The following COLEC12 variants were observed in gnomAD, a reference collection of about 807,000 sequenced individuals.
The protein encoded by COLEC12 is collectin-12.
In COLEC12, 33 loss-of-function variants were observed where a neutral mutation model predicts 71.1. The ratio of observed to expected loss-of-function variants is 0.46; its 90% CI spans 0.35 to 0.62. COLEC12 has a LOEUF of 0.62. Ranked by LOEUF, COLEC12 falls within the 20% of genes least tolerant of loss-of-function variation. The pLI, the probability that COLEC12 is intolerant of heterozygous loss-of-function variation, is 0.00. For missense variants in COLEC12, 765 were observed against 916.1 expected (o/e 0.84, Z 2.13); for synonymous variants, 350 against 353.0 (o/e 0.99, Z 0.10).
At chr18:368,623 G>A (rs544881198) in intron 2 of COLEC12, among the ~76,000 whole-genome samples, 3 of 152,062 alleles carry the variant, frequency 2.0e-5, no homozygotes, top group East Asian at 3.9e-4. Context: ...CCAGAACTTT[G>A]GGAGGCCAAG....
chr18:498,795 G>A (rs2143802585), intron 1 of COLEC12, among the ~76,000 whole-genome samples: 1 of 152,300 alleles, frequency 6.6e-6, no homozygotes, highest in East Asian at 1.9e-4. Flanking sequence ...AGACCACAGC[G>A]GGTAGGCCAC....
At chr18:432,886 T>A (rs902950479) in intron 2 of COLEC12, among the ~76,000 whole-genome samples, 2 of 152,242 alleles carry the variant, frequency 1.3e-5, no homozygotes, top group Non-Finnish European at 2.9e-5. Context: ...TTAACATGCA[T>A]TAAACTGTGC....
intron 1 of COLEC12, among the ~76,000 whole-genome samples, chr18:495,788 G>T (rs770958082): frequency 1.3e-5 from 2 of 152,202 alleles, no homozygotes; most frequent in Admixed American, 6.5e-5. Flanking sequence ...GGGAGCCTGG[G>T]CTAGAGATTA....
chr18:332,184 A>G (rs1275506498), intron 7 of COLEC12, among the ~76,000 whole-genome samples: 2 of 152,218 alleles, frequency 1.3e-5, no homozygotes, highest in Non-Finnish European at 2.9e-5. Flanking sequence ...CCAAGCTTTT[A>G]TAACAACCCA....
At chr18:448,343 T>C (rs770740768) in intron 2 of COLEC12, among the ~76,000 whole-genome samples, 1 of 152,218 alleles carries the variant, frequency 6.6e-6, no homozygotes, top group Non-Finnish European at 1.5e-5. Flanking sequence ...AACACCACTG[T>C]AGTAAACTTG....
At chr18:441,173 G>A (rs180755783) in intron 2 of COLEC12, among the ~76,000 whole-genome samples, 9 of 149,382 alleles carry the variant, frequency 6.0e-5, no homozygotes, top group East Asian at 2.0e-4. Context: ...GCGTGAACCC[G>A]GGAGGCGGAG....
At chr18:417,019 T>C (rs966220981) in intron 2 of COLEC12, among the ~76,000 whole-genome samples, 1 of 143,922 alleles carries the variant, frequency 6.9e-6, no homozygotes, top group African/African-American at 2.5e-5. Context: ...TAACTTTACA[T>C]ATATACACAC....
At chr18:381,056 A>G (rs903019858) in intron 2 of COLEC12, among the ~76,000 whole-genome samples, 1 of 152,170 alleles carries the variant, frequency 6.6e-6, no homozygotes, top group Admixed American at 6.5e-5. Context: ...AAGTGCTGAG[A>G]GAAGAAGTTG....
At chr18:468,703 C>T (rs1195737099) in intron 2 of COLEC12, among the ~76,000 whole-genome samples, 2 of 152,176 alleles carry the variant, frequency 1.3e-5, no homozygotes, top group Non-Finnish European at 2.9e-5. Flanking sequence ...CTAAGCACTC[C>T]ACTTGCATTA....
intron 5 of COLEC12, among the ~76,000 whole-genome samples, chr18:340,946 G>C (rs1393914039): frequency 6.6e-6 from 1 of 152,222 alleles, no homozygotes; most frequent in Non-Finnish European, 1.5e-5. Context: ...TCCATGGTCT[G>C]CTTCTGAGCC....
Position 397,866 on chromosome 18 carries a change from C to G in COLEC12, c.59-40344G>C, listed in dbSNP as rs553698667. On this transcript the variant is annotated intron_variant, in intron 2 of 9. Coordinates refer to ENST00000400256, the MANE Select transcript of COLEC12 (RefSeq NM_130386.3). ...TTAGGGTTAAAATCGTGTCACCCAG[C>G]CAGGAAAAAATGTAAAGGATTTTGG... 7.9e-5 allele frequency among the ~76,000 whole-genome samples: 12 copies of G among 152,168 alleles called. No individual in the cohort carries two copies. In the South Asian group the frequency reaches 2.5e-3, roughly 32 times the overall value.
rs994558273 is a variant in COLEC12 at position 362,945 on chromosome 18, T to C, written c.59-5423A>G. 6.6e-6 allele frequency among the ~76,000 whole-genome samples: 1 copy of C among 152,170 alleles called. No homozygotes were observed. The highest frequency in any genetic ancestry group is 2.4e-5 in the African/African-American group (1 of 41,446). On this transcript the variant is annotated intron_variant, in intron 2 of 9. Coordinates refer to ENST00000400256, the MANE Select transcript of COLEC12 (RefSeq NM_130386.3). The surrounding 1 kb of genome is among the most constrained non-coding windows in gnomAD (Gnocchi z 4.6). ...TTGAGTATTCCATGGAAGTTCAGAATAGGCTGACAATTTGGTCCCCAGTGC... is the reference window on the plus strand; with the variant it reads ...TTGAGTATTCCATGGAAGTTCAGAACAGGCTGACAATTTGGTCCCCAGTGC...
intron 2 of COLEC12, among the ~76,000 whole-genome samples, chr18:477,100 T>C (rs1267582553): frequency 6.6e-6 from 1 of 152,210 alleles, no homozygotes; most frequent in Admixed American, 6.5e-5. Context: ...GAAGACCTGG[T>C]TGAGACTAAA....
intron 2 of COLEC12, among the ~76,000 whole-genome samples, chr18:407,801 G>C (rs1598354070): frequency 6.6e-6 from 1 of 152,208 alleles, no homozygotes; most frequent in African/African-American, 2.4e-5. Context: ...AGAGATGAGG[G>C]GTTGCAATGA....
chr18:344,937 G>A (rs375544748), intron 5 of COLEC12, among the ~76,000 whole-genome samples: 55 of 152,330 alleles, frequency 3.6e-4, no homozygotes, highest in African/African-American at 1.3e-3. Flanking sequence ...CAAAGCTATT[G>A]AACAGAGTCC....
intron 5 of COLEC12, among the ~76,000 whole-genome samples, chr18:340,798 T>C (rs145074267): frequency 1.6e-3 from 239 of 152,340 alleles, no homozygotes; most frequent in Middle Eastern, 3.4e-3. Flanking sequence ...ATGCCTACCA[T>C]AGGAAAAAGT....
At chr18:409,745 T>C (rs546260975) in intron 2 of COLEC12, among the ~76,000 whole-genome samples, 1 of 152,342 alleles carries the variant, frequency 6.6e-6, no homozygotes, top group East Asian at 1.9e-4. Context: ...ACTGTAAGTA[T>C]AGAGCTCCTT....
intron 2 of COLEC12, among the ~76,000 whole-genome samples, chr18:386,372 C>T (rs1409420349): frequency 6.6e-6 from 1 of 152,180 alleles, no homozygotes; most frequent in African/African-American, 2.4e-5. Flanking sequence ...TGCTACAAGA[C>T]CTTGCTACTC....
At chr18:354,374 A>G (rs1050928859) in intron 3 of COLEC12, among the ~76,000 whole-genome samples, 31 of 152,250 alleles carry the variant, frequency 2.0e-4, no homozygotes, top group African/African-American at 6.8e-4. Context: ...ACTTGTGGCT[A>G]TGTAAGTGAC....
Sources: gnomAD v4.1 joint callset for allele counts (sites outside exome capture counted in the v4.1 genomes callset) on GRCh38, gnomAD v4.1.1 for gene constraint, Gnocchi (gnomAD v3.1) non-coding constraint, MANE v1.5 for transcripts, NCBI Gene and HGNC (gene_info 2026-07-23, HGNC 2026-07-21) for gene names.